Variants in TUBD1 observed in about 807,000 individuals in gnomAD.
TUBD1 encodes the protein tubulin delta 1.
TUBD1 carries 38 observed loss-of-function variants against 51.2 expected under a neutral mutation model. That is an observed-to-expected ratio of 0.74 (90% CI 0.57 to 0.97). The LOEUF is 0.97. TUBD1 is among the 50% of genes least tolerant of loss of function. The probability of loss-of-function intolerance (pLI) is 0.00; values close to 1 mark genes in which losing one functional copy is unlikely to be tolerated. For synonymous variants in TUBD1, 169 were observed against 178.2 expected (o/e 0.95, Z 0.41); for missense variants, 489 against 538.4 (o/e 0.91, Z 0.91).
intron 4 of TUBD1, among the ~76,000 whole-genome samples, chr17:59,879,721 C>T (rs1273696637): frequency 1.3e-5 from 2 of 151,864 alleles, no homozygotes; most frequent in Admixed American, 6.6e-5. Flanking sequence ...CAGAAGTGAG[C>T]CCCAACTGCC....
In TUBD1 at chr17:59,860,012, ATTT is replaced by A. The variant is rs750457639; in HGVS notation, c.*307_*309del. On this transcript the variant is annotated 3_prime_UTR_variant, in exon 9 of 9. Transcript: ENST00000325752. The stretch of plus-strand genomic sequence containing the variant: ...TTTAACAGAATGGAACTTTGAAAAC[ATTT>A]TTTTTTTTTTTTTTTTTTGAGACGG... 2.0e-4 allele frequency: 25 copies of A among 125,456 alleles called. No individual in the cohort carries two copies. Among genetic ancestry groups the A allele is most frequent in the South Asian group, 6.0e-4 (3 of 4,962 alleles). 7.8% of individuals were successfully genotyped at this position (125,456 alleles called of 1,614,324 possible). A position where few individuals can be genotyped will look rare whatever the true frequency, so the allele number is the denominator to read the frequency against.
intron 2 of TUBD1, among the ~76,000 whole-genome samples, chr17:59,888,920 C>T (rs1007165625): frequency 2.0e-5 from 3 of 150,802 alleles, no homozygotes; most frequent in Non-Finnish European, 4.4e-5. Flanking sequence ...CCACGTTGGC[C>T]AGGCTGGTCT....
At chr17:59,885,120 A>G (rs2040660430) in intron 3 of TUBD1, 2 of 346,336 alleles carry the variant, frequency 5.8e-6, no homozygotes, top group Non-Finnish European at 1.1e-5. Context: ...AACCAATGAC[A>G]TGCTCTCAGG....
At chr17:59,877,991 G>A (rs1378119163) in intron 5 of TUBD1, 112 bp downstream of exon 5, 2 of 818,006 alleles carry the variant, frequency 2.4e-6, no homozygotes, top group African/African-American at 1.7e-5. Context: ...AGGGTTTTGA[G>A]ATGAGCAAGA....
chr17:59,885,142 G>A (rs903811759), intron 3 of TUBD1: 5 of 356,544 alleles, frequency 1.4e-5, no homozygotes, highest in South Asian at 6.9e-5. Flanking sequence ...TCCTATCCTA[G>A]GACGCCAAAA....
At chr17:59,866,474 T>C in intron 7 of TUBD1, 135 bp downstream of exon 7, 1 of 1,051,478 alleles carries the variant, frequency 9.5e-7, no homozygotes, top group Non-Finnish European at 1.4e-6. Context: ...GATGCCATGG[T>C]CAAATTTTGC....
At chr17:59,880,784 G>T in intron 4 of TUBD1, 110 bp downstream of exon 4, 1 of 1,021,914 alleles carries the variant, frequency 9.8e-7, no homozygotes, top group South Asian at 1.5e-5. Context: ...AAAGTGCTGG[G>T]ATTACAGGCA....
chr17:59,860,442 A>AC lies in TUBD1; in HGVS notation c.1260-19_1260-18insG. 6.6e-7 allele frequency: 1 copy of AC among 1,510,994 alleles called. No homozygotes were observed. The highest frequency in any genetic ancestry group is 9.0e-7 in the Non-Finnish European group (1 of 1,107,874). 93.6% of individuals were successfully genotyped at this position (1,510,994 alleles called of 1,614,324 possible). On this transcript the variant is annotated intron_variant, in intron 8 of 8. Coordinates refer to ENST00000325752, the MANE Select transcript of TUBD1 (RefSeq NM_016261.4). ...TGTAGGCTCTGGTAGAAAAAAAAAA[A>AC]AAACAGAAATTACAAAATAAAAAAT...
At chr17:59,877,403 G>T (rs1256724553) in intron 5 of TUBD1, among the ~76,000 whole-genome samples, 1 of 152,210 alleles carries the variant, frequency 6.6e-6, no homozygotes, top group Admixed American at 6.5e-5. Context: ...GAAACCTCAG[G>T]AAGGTTCTGA....
Position 59,882,634 on chromosome 17 carries a change from G to A in TUBD1, c.321-1524C>T, listed in dbSNP as rs1049947067. Among the ~76,000 whole-genome samples, 5 of 152,016 alleles carry A rather than the reference G, an allele frequency of 3.3e-5. No homozygotes were observed. In the East Asian group the frequency reaches 9.6e-4, roughly 29 times the overall value. On this transcript the variant is annotated intron_variant, in intron 3 of 8. Transcript: ENST00000325752. ...CCTTTTTGAGTTAGGGTCTTACTCC[G>A]TCACCCAGGCTGGAGTGAAATGTGA...
At chr17:59,874,020 T>C (rs1242289509) in intron 6 of TUBD1, among the ~76,000 whole-genome samples, 1 of 151,724 alleles carries the variant, frequency 6.6e-6, no homozygotes, top group Non-Finnish European at 1.5e-5. Flanking sequence ...AAACCCCGTC[T>C]CTACTAAAAA....
At position 59,891,066 on chromosome 17, in the gene TUBD1, G is replaced by A. The variant is rs774990006; in HGVS notation, c.-39-25C>T. 7.3e-6 allele frequency: 9 copies of A among 1,233,076 alleles called. No homozygotes were observed. In the East Asian group the frequency reaches 1.2e-4, roughly 16 times the overall value. 76.4% of individuals were successfully genotyped at this position (1,233,076 alleles called of 1,614,324 possible). A position where few individuals can be genotyped will look rare whatever the true frequency, so the allele number is the denominator to read the frequency against. On this transcript the variant is annotated intron_variant, in intron 1 of 8. Transcript: ENST00000325752. ...CCTGTAATCGAAAAAAATACGCTTT[G>A]AGAACCACTACATTACTAATAAGAA... is the stretch of plus-strand genomic sequence containing the variant.
chr17:59,863,773 G>C lies in TUBD1; in HGVS notation c.1150C>G (p.Arg384Gly). Reference protein sequence around the residue: ...VNAFNVWKTQRAFSKYEKSAV... With the variant: ...VNAFNVWKTQGAFSKYEKSAV... Reference sequence around the variant, plus strand: ...GACTTCTCATATTTGCTAAAGGCCCGCTGGGTTTTCCACACGTTGAAAGCA... The same window carrying C: ...GACTTCTCATATTTGCTAAAGGCCCCCTGGGTTTTCCACACGTTGAAAGCA... The change falls in exon 8 of 9, where the codon CGG becomes GGG. Residue 384 changes from arginine to glycine, a missense_variant. Transcript: ENST00000325752. 2 of 1,610,592 alleles carry C rather than the reference G, an allele frequency of 1.2e-6. No individual in the cohort carries two copies. The highest frequency in any genetic ancestry group is 8.5e-7 in the Non-Finnish European group (1 of 1,178,886).
intron 6 of TUBD1, among the ~76,000 whole-genome samples, chr17:59,873,273 A>G (rs997907111): frequency 3.3e-5 from 5 of 150,918 alleles, no homozygotes; most frequent in African/African-American, 7.3e-5. Flanking sequence ...TTTTTGAGAA[A>G]GGGTCTCACT....
At chr17:59,886,442 G>C in intron 2 of TUBD1, 1 of 519,776 alleles carries the variant, frequency 1.9e-6, no homozygotes, top group South Asian at 2.5e-5. Flanking sequence ...TTGCTAAGCA[G>C]GCTGAATCAG....
chr17:59,876,442 C>T (rs2040230086), intron 5 of TUBD1, among the ~76,000 whole-genome samples: 1 of 151,226 alleles, frequency 6.6e-6, no homozygotes, highest in Non-Finnish European at 1.5e-5. Flanking sequence ...GCAACCTCTG[C>T]CTCCCAGGTT....
intron 6 of TUBD1, among the ~76,000 whole-genome samples, chr17:59,869,198 G>C (rs750829715): frequency 6.6e-6 from 1 of 151,756 alleles, no homozygotes; most frequent in Admixed American, 6.6e-5. Flanking sequence ...ACACCCGGCC[G>C]GGCATGGTGG....
intron 7 of TUBD1, among the ~76,000 whole-genome samples, chr17:59,865,370 T>G (rs2039648925): frequency 6.6e-6 from 1 of 150,688 alleles, no homozygotes; most frequent in Admixed American, 6.9e-5. Context: ...CAGCCTGGTC[T>G]GCAGTTTGAG....
chr17:59,876,566 A>G (rs1160165503), intron 5 of TUBD1, among the ~76,000 whole-genome samples: 1 of 151,788 alleles, frequency 6.6e-6, no homozygotes, highest in Admixed American at 6.6e-5. Flanking sequence ...CATGTTACTT[A>G]GGCTAGTCTC....
Sources: gnomAD v4.1 joint callset for allele counts (sites outside exome capture counted in the v4.1 genomes callset) on GRCh38, gnomAD v4.1.1 for gene constraint, MANE v1.5 for transcripts, NCBI Gene and HGNC (gene_info 2026-07-23, HGNC 2026-07-21) for gene names.